Variants in NR6A1 observed in about 807,000 individuals in gnomAD.
NR6A1 encodes nuclear receptor subfamily 6 group A member 1, also known as retinoic acid receptor-related testis-associated receptor.
In NR6A1, 7 loss-of-function variants were observed where a neutral mutation model predicts 59.1. That is an observed-to-expected ratio of 0.12 (90% CI 0.07 to 0.22). The LOEUF is 0.22. Among genes scored for constraint, NR6A1 ranks in the 10% least tolerant of loss-of-function variants. The pLI is 1.00. For missense variants in NR6A1, 468 were observed against 611.6 expected, an observed-to-expected ratio of 0.77 and a Z score of 2.48; for synonymous variants, 243 against 236.1, an observed-to-expected ratio of 1.03 and a Z score of -0.27.
chr9:124,700,928 T>C (rs935045329), intron 2 of NR6A1, among the ~76,000 whole-genome samples: 10 of 151,986 alleles, frequency 6.6e-5, no homozygotes, highest in African/African-American at 1.5e-4. Flanking sequence ...ACCCAGCTAA[T>C]TTTTGTATTT....
At chr9:124,567,049 A>T (rs1834271791) in intron 2 of NR6A1, among the ~76,000 whole-genome samples, 1 of 151,204 alleles carries the variant, frequency 6.6e-6, no homozygotes, top group Non-Finnish European at 1.5e-5. Context: ...CGGAGCTTGC[A>T]GTGAGCCGAG....
chr9:124,621,798 G>A (rs1426963286), intron 2 of NR6A1, among the ~76,000 whole-genome samples: 1 of 152,150 alleles, frequency 6.6e-6, no homozygotes, highest in Non-Finnish European at 1.5e-5. Context: ...AATGACAAGA[G>A]ATAAAACCTA....
chr9:124,610,931 G>A (rs1255111242), intron 2 of NR6A1, among the ~76,000 whole-genome samples: 1 of 152,120 alleles, frequency 6.6e-6, no homozygotes, highest in Non-Finnish European at 1.5e-5. Flanking sequence ...ACACCAAGCT[G>A]AGCGGAGAGG....
chr9:124,595,884 A>G (rs1338330403), intron 2 of NR6A1: 2 of 1,146,486 alleles, frequency 1.7e-6, no homozygotes, highest in East Asian at 5.8e-5. Context: ...CTAAGCCGGG[A>G]CTACGACAGT....
At chr9:124,665,092 G>A (rs1032076470) in intron 2 of NR6A1, among the ~76,000 whole-genome samples, 7 of 150,686 alleles carry the variant, frequency 4.6e-5, no homozygotes, top group African/African-American at 1.7e-4. Flanking sequence ...TACACAGGAG[G>A]CTAAGGCAGG....
intron 2 of NR6A1, among the ~76,000 whole-genome samples, chr9:124,582,192 G>A (rs1834792275): frequency 1.3e-5 from 2 of 152,194 alleles, no homozygotes; most frequent in Non-Finnish European, 2.9e-5. Context: ...ATCAGTGATA[G>A]ACTGGATAAA....
intron 4 of NR6A1, among the ~76,000 whole-genome samples, chr9:124,540,553 T>C (rs1833413099): frequency 6.6e-6 from 1 of 152,238 alleles, no homozygotes; most frequent in Non-Finnish European, 1.5e-5. Context: ...CCAGGCATGG[T>C]GGCTCATGCC....
chr9:124,768,262 T>C (rs1462148073), intron 1 of NR6A1, among the ~76,000 whole-genome samples: 3 of 152,186 alleles, frequency 2.0e-5, no homozygotes, highest in East Asian at 3.8e-4. Flanking sequence ...TCATATAAAA[T>C]AGAAATCAGT....
At chr9:124,680,771 T>C (rs933655106) in intron 2 of NR6A1, among the ~76,000 whole-genome samples, 1 of 152,212 alleles carries the variant, frequency 6.6e-6, no homozygotes, top group African/African-American at 2.4e-5. Context: ...GGCCCACATA[T>C]GTTTCCCAGA....
At chr9:124,530,461 G>A (rs1211216441) in intron 7 of NR6A1, among the ~76,000 whole-genome samples, 1 of 152,200 alleles carries the variant, frequency 6.6e-6, no homozygotes, top group East Asian at 1.9e-4. Context: ...TGTATTCACT[G>A]TCTACAAATT....
chr9:124,551,922 T>TG (rs1323766067), intron 3 of NR6A1, among the ~76,000 whole-genome samples: 2 of 152,126 alleles, frequency 1.3e-5, no homozygotes, highest in Non-Finnish European at 2.9e-5. Context: ...AACCAGGAGG[T>TG]GGCAGGGTTT....
intron 2 of NR6A1, among the ~76,000 whole-genome samples, chr9:124,614,603 G>A (rs1413198191): frequency 1.2e-4 from 19 of 152,246 alleles, no homozygotes; most frequent in Middle Eastern, 3.4e-3. Flanking sequence ...CAACTCCAAC[G>A]GGTTGAGAGA....
intron 8 of NR6A1, among the ~76,000 whole-genome samples, chr9:124,525,936 C>G (rs760092554): frequency 5.3e-5 from 8 of 152,090 alleles, no homozygotes; most frequent in Non-Finnish European, 8.8e-5. Flanking sequence ...ATGCTCAGCA[C>G]AGGGCTTGGC....
rs58594452 is a variant in NR6A1, at chr9:124,550,375, ATTTTTT to A, written c.385+3947_385+3952del. On this transcript the variant is annotated intron_variant, in intron 3 of 9. Transcript: ENST00000487099. Reference sequence around the variant, plus strand: ...TATTACTGTGATGTTCTAATGGTGAATTTTTTTTTTTTTTTTTTTTTTTGGTTTGTT... The same window carrying A: ...TATTACTGTGATGTTCTAATGGTGAATTTTTTTTTTTTTTTTTGGTTTGTT... 7.4e-3 allele frequency among the ~76,000 whole-genome samples: 868 copies of A among 117,622 alleles called. 4 individuals carry two copies. Among genetic ancestry groups the A allele is most frequent in the African/African-American group, 0.027 (817 of 30,580 alleles). 77.2% of individuals were successfully genotyped at this position (117,622 alleles called of 152,430 possible).
intron 2 of NR6A1, chr9:124,598,688 G>GA (rs1027345095): frequency 6.1e-6 from 3 of 493,282 alleles, no homozygotes; most frequent in Non-Finnish European, 9.9e-6. Flanking sequence ...GGAAAGAGAG[G>GA]AAAAAAATAA....
In NR6A1 at chr9:124,621,736, A is replaced by G. The variant is rs187936780; in HGVS notation, c.143-67166T>C. 3.9e-4 allele frequency among the ~76,000 whole-genome samples: 60 copies of G among 152,348 alleles called. 2 individuals are homozygous for G. In the East Asian group the frequency reaches 0.012, roughly 29 times the overall value. On this transcript the variant is annotated intron_variant, in intron 2 of 9. Coordinates refer to ENST00000487099, the MANE Select transcript of NR6A1 (RefSeq NM_033334.4). ...CAAATTTTTTAAAAGTTTAATTTGA[A>G]CATACTGTAAATGAATCTAGCATTT...
At chr9:124,526,540 G>C (rs1452982630) in intron 8 of NR6A1, among the ~76,000 whole-genome samples, 1 of 152,040 alleles carries the variant, frequency 6.6e-6, no homozygotes, top group African/African-American at 2.4e-5. Context: ...ATGAGTTATA[G>C]AGATTGTGGC....
At chr9:124,663,452 G>C (rs1231868024) in intron 2 of NR6A1, among the ~76,000 whole-genome samples, 3 of 152,128 alleles carry the variant, frequency 2.0e-5, no homozygotes, top group Non-Finnish European at 4.4e-5. Context: ...TTTACTACAG[G>C]ATCTTGTACA....
chr9:124,644,304 G>A (rs1836869745), intron 2 of NR6A1, among the ~76,000 whole-genome samples: 1 of 91,482 alleles, frequency 1.1e-5, no homozygotes, highest in Non-Finnish European at 2.0e-5. Context: ...ACATGGTTTC[G>A]CTCTATTGCC....
Sources: gnomAD v4.1 joint callset for allele counts (sites outside exome capture counted in the v4.1 genomes callset) on GRCh38, gnomAD v4.1.1 for gene constraint, MANE v1.5 for transcripts, NCBI Gene and HGNC (gene_info 2026-07-23, HGNC 2026-07-21) for gene names.